The following COXFA4 variants were observed in gnomAD, a reference collection of about 807,000 sequenced individuals.
The protein encoded by COXFA4 is cytochrome c oxidase associated subunit FA4, also known as cytochrome c oxidase subunit FA4.
chr7:10,938,901 A>T, the COXFA4 span: 1 of 1,606,996 alleles, frequency 6.2e-7, no homozygotes, highest in Non-Finnish European at 8.5e-7. Flanking sequence ...GATCAACTAA[A>T]CCAAACACAA....
At chr7:10,935,067 C>T in the COXFA4 span, among the ~76,000 whole-genome samples, 3 of 152,226 alleles carry the variant, frequency 2.0e-5, no homozygotes, top group Non-Finnish European at 4.4e-5. Context: ...TTAATCATCA[C>T]AATAACCCTT....
At chr7:10,937,022 T>C in the COXFA4 span, among the ~76,000 whole-genome samples, 2 of 151,888 alleles carry the variant, frequency 1.3e-5, no homozygotes, top group East Asian at 3.9e-4. Context: ...GGCGACAGAG[T>C]GAGACTCTGT....
the COXFA4 span, chr7:10,938,542 A>G: frequency 2.3e-6 from 1 of 439,748 alleles, no homozygotes; most frequent in East Asian, 4.0e-5. Context: ...TATAAAAACA[A>G]TTATTTTTAT....
the COXFA4 span, chr7:10,933,537 A>T: frequency 1.1e-6 from 1 of 874,582 alleles, no homozygotes; most frequent in Admixed American, 1.8e-5. Flanking sequence ...GATTTCATGC[A>T]TTTAGAGGAG....
chr7:10,936,199 TTCATTTCTG>T, the COXFA4 span, among the ~76,000 whole-genome samples: 1 of 152,228 alleles, frequency 6.6e-6, no homozygotes, highest in African/African-American at 2.4e-5. Context: ...TTGGTTCCTT[TTCATTTCTG>T]TCATTTCATA....
At chr7:10,933,592 G>A in the COXFA4 span, 4 of 1,515,766 alleles carry the variant, frequency 2.6e-6, no homozygotes, top group South Asian at 1.1e-5. Context: ...TGTGGCTTCT[G>A]GAAGACCTTC....
the COXFA4 span, chr7:10,932,153 G>C: frequency 6.6e-6 from 1 of 152,182 alleles, no homozygotes; most frequent in Non-Finnish European, 1.5e-5. Flanking sequence ...GGGAATTGGA[G>C]GGAAAGAGTG....
chr7:10,939,862 G>A, the COXFA4 span: 1 of 872,044 alleles, frequency 1.1e-6, no homozygotes. Context: ...ACAGAGGCCT[G>A]GGACAACTAA....
chr7:10,934,631 C>T, the COXFA4 span, among the ~76,000 whole-genome samples: 1 of 152,128 alleles, frequency 6.6e-6, no homozygotes, highest in Non-Finnish European at 1.5e-5. Flanking sequence ...GGTTTTTAAG[C>T]ATGAAGTTCA....
the COXFA4 span, among the ~76,000 whole-genome samples, chr7:10,936,422 G>A: frequency 2.0e-5 from 3 of 152,064 alleles, no homozygotes; most frequent in African/African-American, 4.8e-5. Flanking sequence ...ATTCCAATAC[G>A]CTCTTTGGTG....
chr7:10,939,748 G>A, the COXFA4 span: 29 of 529,134 alleles, frequency 5.5e-5, no homozygotes, highest in Admixed American at 7.4e-4. Flanking sequence ...CCACCAGACT[G>A]TTCCAATATT....
chr7:10,935,380 G>C, the COXFA4 span, among the ~76,000 whole-genome samples: 23 of 152,196 alleles, frequency 1.5e-4, no homozygotes, highest in Non-Finnish European at 2.5e-4. Flanking sequence ...AGCTTCAACT[G>C]TTATTCAGTT....
chr7:10,940,039 C>T, the COXFA4 span: 4 of 1,613,822 alleles, frequency 2.5e-6, no homozygotes, highest in Admixed American at 5.0e-5. Context: ...TTGGCCTGAC[C>T]GATGATCTGG....
the COXFA4 span, among the ~76,000 whole-genome samples, chr7:10,937,102 G>C: frequency 6.6e-6 from 1 of 152,134 alleles, no homozygotes; most frequent in Non-Finnish European, 1.5e-5. Flanking sequence ...CTGTCAAGCA[G>C]TGCTGGACAC....
At chr7:10,938,705 G>A in the COXFA4 span, 1 of 830,942 alleles carries the variant, frequency 1.2e-6, no homozygotes, top group Non-Finnish European at 2.1e-6. Flanking sequence ...GACTGTAAAT[G>A]TAACATTCTT....
At chr7:10,939,837 A>C in the COXFA4 span, 1 of 756,182 alleles carries the variant, frequency 1.3e-6, no homozygotes, top group South Asian at 1.4e-5. Flanking sequence ...CCCACAATGC[A>C]TGGCGTAGAG....
chr7:10,934,582 A>G, the COXFA4 span, among the ~76,000 whole-genome samples: 1 of 152,148 alleles, frequency 6.6e-6, no homozygotes, highest in East Asian at 1.9e-4. Context: ...TTTATCTCCA[A>G]AAGAACCACA....
chr7:10,936,578 G>A, the COXFA4 span, among the ~76,000 whole-genome samples: 2 of 152,086 alleles, frequency 1.3e-5, no homozygotes, highest in African/African-American at 2.4e-5. Flanking sequence ...CAGGATGCCC[G>A]TTTATCTTTT....
chr7:10,938,581 G>C, the COXFA4 span: 4 of 485,344 alleles, frequency 8.2e-6, no homozygotes, highest in Non-Finnish European at 1.5e-5. Flanking sequence ...ACAAGATTTG[G>C]TATTAGCAGT....
Sources: gnomAD v4.1 joint callset for allele counts (sites outside exome capture counted in the v4.1 genomes callset) on GRCh38, gnomAD v4.1.1 for gene constraint, MANE v1.5 for transcripts, NCBI Gene and HGNC (gene_info 2026-07-23, HGNC 2026-07-21) for gene names.